The following BMP2K variants were observed in gnomAD, a reference collection of about 807,000 sequenced individuals.
BMP2K encodes BMP2 inducible kinase, also known as BMP-2-inducible protein kinase.
A neutral mutation model predicts 116.0 loss-of-function variants in BMP2K; 74 were observed. That is an observed-to-expected ratio of 0.64 (90% CI 0.53 to 0.77). BMP2K has a LOEUF of 0.77. BMP2K is among the 30% of genes least tolerant of loss of function. The pLI is 0.00. For missense variants in BMP2K, 1,365 were observed against 1,403.6 expected (o/e 0.97, Z 0.44); for synonymous variants, 486 against 502.5 (o/e 0.97, Z 0.44).
At chr4:78,797,355 G>T (rs1728349504) in intron 1 of BMP2K, among the ~76,000 whole-genome samples, 1 of 152,156 alleles carries the variant, frequency 6.6e-6, no homozygotes, top group African/African-American at 2.4e-5. Context: ...ATGAATATCT[G>T]CTTTGTTAAT....
intron 7 of BMP2K, among the ~76,000 whole-genome samples, chr4:78,852,337 T>G (rs1006783871): frequency 4.6e-5 from 7 of 152,132 alleles, no homozygotes; most frequent in Admixed American, 1.3e-4. Flanking sequence ...ATTGCTAGTA[T>G]AAATTTAATC....
chr4:78,907,648 CT>C (rs1734354074), intron 15 of BMP2K, among the ~76,000 whole-genome samples: 1 of 152,172 alleles, frequency 6.6e-6, no homozygotes, highest in Admixed American at 6.5e-5. Context: ...AAATTAGATT[CT>C]TTTGTGTAGG....
intron 7 of BMP2K, among the ~76,000 whole-genome samples, chr4:78,851,873 G>C (rs1410985090): frequency 1.3e-5 from 2 of 152,028 alleles, no homozygotes; most frequent in East Asian, 3.9e-4. Flanking sequence ...ATTAAAAAAA[G>C]ATTAATCCAT....
At chr4:78,839,114 C>T (rs181909779) in intron 3 of BMP2K, among the ~76,000 whole-genome samples, 9 of 152,268 alleles carry the variant, frequency 5.9e-5, no homozygotes, top group East Asian at 3.9e-4. Flanking sequence ...AAATAACTTT[C>T]GTTTATTATC....
At chr4:78,888,058 TA>T (rs1733199163) in intron 15 of BMP2K, 1 of 152,214 alleles carries the variant, frequency 6.6e-6, no homozygotes, top group Admixed American at 6.5e-5. Flanking sequence ...AAGAAAAACT[TA>T]CAAATGTAAA....
At chr4:78,902,952 G>A (rs1734087298) in intron 15 of BMP2K, among the ~76,000 whole-genome samples, 1 of 151,928 alleles carries the variant, frequency 6.6e-6, no homozygotes, top group Non-Finnish European at 1.5e-5. Flanking sequence ...TGAAGTATTT[G>A]TTTAAAAAAT....
chr4:78,854,937 T>C (rs946600931), intron 7 of BMP2K, among the ~76,000 whole-genome samples: 1 of 151,764 alleles, frequency 6.6e-6, no homozygotes, highest in Non-Finnish European at 1.5e-5. Flanking sequence ...AAAAAAAAAA[T>C]AGCTACTTAA....
Position 78,830,122 on chromosome 4 carries a change from C to A in BMP2K, c.298-3460C>A, listed in dbSNP as rs138624070. Among the ~76,000 whole-genome samples, 147 of 152,194 alleles carry A rather than the reference C, an allele frequency of 9.7e-4. 1 individual carries two copies. The highest frequency in any genetic ancestry group is 3.0e-3 in the African/African-American group (125 of 41,516). ...GAACTCCTGAGCTTAAGCTATCTGC[C>A]CCCCGTGGATTCCCAAAATGCTAGG... On this transcript the variant is annotated intron_variant, in intron 2 of 15. Coordinates refer to ENST00000502613, the MANE Select transcript of BMP2K (RefSeq NM_198892.2).
At chr4:78,904,767 C>T (rs1734202691) in intron 15 of BMP2K, among the ~76,000 whole-genome samples, 1 of 151,842 alleles carries the variant, frequency 6.6e-6, no homozygotes, top group South Asian at 2.1e-4. Context: ...AGACGTATAC[C>T]TTCATTTAAG....
At chr4:78,903,773 T>G (rs1469532237) in intron 15 of BMP2K, among the ~76,000 whole-genome samples, 1 of 152,002 alleles carries the variant, frequency 6.6e-6, no homozygotes, top group Non-Finnish European at 1.5e-5. Flanking sequence ...TTTTATTTTT[T>G]GGGCATGGTT....
intron 15 of BMP2K, among the ~76,000 whole-genome samples, chr4:78,906,398 A>G (rs898874407): frequency 4.6e-5 from 7 of 152,288 alleles, no homozygotes; most frequent in Admixed American, 1.3e-4. Flanking sequence ...ATCTACACCA[A>G]CAGAAAATTT....
chr4:78,787,984 A>G lies in BMP2K; in HGVS notation c.178+11263A>G, dbSNP rs139121163. ...ATACATAAGTATTCTCTTTTGAATG[A>G]GATTGTCAGTGGTTAGTTTAGGTTT... On this transcript the variant is annotated intron_variant, in intron 1 of 15. Transcript: ENST00000502613. 2.6e-3 allele frequency among the ~76,000 whole-genome samples: 392 copies of G among 152,182 alleles called. 1 individual carries two copies. The highest frequency in any genetic ancestry group is 4.4e-3 in the Non-Finnish European group (301 of 67,992).
chr4:78,776,591 C>T lies in BMP2K; in HGVS notation c.48C>T (p.Gly16=). The T allele has an allele frequency of 8.6e-7, 1 of 1,161,114 alleles. No homozygotes were observed. The highest frequency in any genetic ancestry group is 4.2e-5 in the East Asian group (1 of 23,642). The allele number at this position is 1,161,114 out of a possible 1,614,324, so 71.9% of individuals were successfully genotyped here. ...CCAAGTCGGAGGGCGGCAGCGGCGG[C>T]GGAGCGGCGGGTGGCGGGGCTGGCG... is the stretch of plus-strand genomic sequence containing the variant. ...RMPKSEGGSG[G]GAAGGGAGGA... is the part of the protein sequence containing the mutation. The change falls in exon 1 of 16, where the codon GGC becomes GGT. Residue 16 remains glycine (G), a synonymous_variant. Coordinates refer to ENST00000502613, the MANE Select transcript of BMP2K (RefSeq NM_198892.2).
chr4:78,790,425 C>T (rs923211882), intron 1 of BMP2K, among the ~76,000 whole-genome samples: 21 of 151,970 alleles, frequency 1.4e-4, no homozygotes, highest in Admixed American at 7.9e-4. Context: ...AAATTACATT[C>T]GTAATAGCAA....
chr4:78,909,711 A>G (rs1416068962), intron 15 of BMP2K, among the ~76,000 whole-genome samples: 4 of 152,114 alleles, frequency 2.6e-5, no homozygotes, highest in Non-Finnish European at 5.9e-5. Flanking sequence ...CCACTGTCCA[A>G]AGTAGGTTTA....
chr4:78,805,565 A>T (rs916256668), intron 1 of BMP2K, among the ~76,000 whole-genome samples: 3 of 152,218 alleles, frequency 2.0e-5, no homozygotes, highest in Non-Finnish European at 4.4e-5. Flanking sequence ...AGTTTTCAGC[A>T]TACAAATTTT....
chr4:78,825,575 T>A lies in BMP2K; in HGVS notation c.179-462T>A, dbSNP rs77849122. Among the ~76,000 whole-genome samples the A allele has an allele frequency of 1.5e-4, 23 of 152,336 alleles. No homozygotes were observed. The East Asian group carries it at 4.2e-3, about 28-fold the overall frequency. Reference sequence around the variant, plus strand: ...TACTGATAAGGGGAAATGAGATTCCTGTGATGGGCTTAGAATAATATTGGT... The same window carrying A: ...TACTGATAAGGGGAAATGAGATTCCAGTGATGGGCTTAGAATAATATTGGT... On this transcript the variant is annotated intron_variant, in intron 1 of 15. Transcript: ENST00000502613.
intron 6 of BMP2K, among the ~76,000 whole-genome samples, chr4:78,849,596 AT>A (rs886839156): frequency 1.3e-4 from 19 of 150,490 alleles, no homozygotes; most frequent in East Asian, 3.9e-4. Flanking sequence ...CATTAATAGC[AT>A]TTTTTTTTAA....
chr4:78,901,216 T>A (rs1210441101), intron 15 of BMP2K, among the ~76,000 whole-genome samples: 7 of 150,818 alleles, frequency 4.6e-5, no homozygotes, highest in Admixed American at 2.6e-4. Flanking sequence ...GCTACTTTTT[T>A]ATTTTATTTT....
Sources: allele counts gnomAD v4.1 joint callset (sites outside exome capture counted in the v4.1 genomes callset), GRCh38; gene constraint gnomAD v4.1.1; transcripts MANE v1.5; gene names NCBI Gene and HGNC (gene_info 2026-07-23, HGNC 2026-07-21).